Variants in DIAPH2 observed in about 807,000 individuals in gnomAD.
The protein encoded by DIAPH2 is protein diaphanous homolog 2.
Under a neutral mutation model 92.7 loss-of-function variants are expected in DIAPH2, and 35 were observed. The observed-to-expected ratio is 0.38, with a 90% confidence interval of 0.29 to 0.50. The LOEUF is 0.50. Among genes scored for constraint, DIAPH2 ranks in the 20% least tolerant of loss-of-function variants. DIAPH2 has a pLI of 0.94. For synonymous variants in DIAPH2, 301 were observed against 280.4 expected, an observed-to-expected ratio of 1.07 and a Z score of -0.73; for missense variants, 701 against 819.5, an observed-to-expected ratio of 0.86 and a Z score of 1.77.
At chrX:97,401,551 C>T (rs1254632218) in intron 25 of DIAPH2, among the ~76,000 whole-genome samples, 1 of 111,578 alleles carries the variant, frequency 9.0e-6, no homozygotes, top group Non-Finnish European at 1.9e-5. Context: ...TGGCAGGTGC[C>T]TCAGGAACCC....
intron 17 of DIAPH2, among the ~76,000 whole-genome samples, chrX:97,055,168 C>T (rs761203121): frequency 4.1e-4 from 44 of 108,446 alleles, no homozygotes; most frequent in Non-Finnish European, 7.3e-4. Flanking sequence ...CCTCCCGCCT[C>T]GGCCTCCCAA....
intron 25 of DIAPH2, among the ~76,000 whole-genome samples, chrX:97,426,774 C>T (rs903931642): frequency 8.0e-5 from 9 of 112,045 alleles, no homozygotes; most frequent in South Asian, 3.7e-4. Context: ...TCTGAACTGA[C>T]GTGTGCAGAA....
chrX:97,004,057 A>G (rs1234127264), intron 17 of DIAPH2, among the ~76,000 whole-genome samples: 2 of 111,225 alleles, frequency 1.8e-5, no homozygotes, highest in Non-Finnish European at 3.8e-5. Flanking sequence ...CTTTCCCCCA[A>G]TGTATGTTCT....
intron 12 of DIAPH2, among the ~76,000 whole-genome samples, chrX:96,941,379 A>ACAGAATT (rs1244185444): frequency 1.8e-5 from 2 of 112,189 alleles, no homozygotes; most frequent in African/African-American, 6.5e-5. Flanking sequence ...CTGATGGATT[A>ACAGAATT]CAGAATTAGG....
intron 26 of DIAPH2, among the ~76,000 whole-genome samples, chrX:97,453,420 G>A (rs948438361): frequency 2.3e-4 from 25 of 110,137 alleles, no homozygotes; most frequent in African/African-American, 7.6e-4. Flanking sequence ...ATGACATGAG[G>A]ATTTTTTACT....
chrX:96,907,486 C>G (rs2065441068), intron 5 of DIAPH2, among the ~76,000 whole-genome samples: 1 of 112,068 alleles, frequency 8.9e-6, no homozygotes, highest in Non-Finnish European at 1.9e-5. Context: ...TTAGTAATTT[C>G]TAAGGATGTG....
At chrX:97,112,893 T>C (rs1459791377) in intron 20 of DIAPH2, among the ~76,000 whole-genome samples, 1 of 99,803 alleles carries the variant, frequency 1.0e-5, no homozygotes, top group Non-Finnish European at 2.0e-5. Flanking sequence ...TTCTCCTGCC[T>C]CAGCCTCCTG....
intron 26 of DIAPH2, among the ~76,000 whole-genome samples, chrX:97,450,925 T>G (rs1360006234): frequency 9.2e-6 from 1 of 108,874 alleles, no homozygotes; most frequent in Admixed American, 9.9e-5. Context: ...GATTTGTAAT[T>G]TTTAAGAAGT....
chrX:97,563,881 C>T (rs1028721797), intron 26 of DIAPH2, among the ~76,000 whole-genome samples: 1 of 111,223 alleles, frequency 9.0e-6, no homozygotes, highest in East Asian at 2.8e-4. Flanking sequence ...ATGGTCCACA[C>T]TCTGCAGATC....
intron 17 of DIAPH2, among the ~76,000 whole-genome samples, chrX:97,011,750 G>T (rs1354578749): frequency 9.2e-6 from 1 of 108,525 alleles, no homozygotes; most frequent in Non-Finnish European, 1.9e-5. Flanking sequence ...AAATTAGCCG[G>T]GTGTGCTGGC....
At chrX:97,153,440 C>T (rs2147427136) in intron 22 of DIAPH2, among the ~76,000 whole-genome samples, 1 of 110,051 alleles carries the variant, frequency 9.1e-6, no homozygotes, top group African/African-American at 3.3e-5. Flanking sequence ...AAAAAATTAG[C>T]CGGGCGAGGT....
chrX:97,441,976 G>A (rs1009717164), intron 26 of DIAPH2: 9 of 112,442 alleles, frequency 8.0e-5, no homozygotes, highest in Admixed American at 9.4e-5. Flanking sequence ...ATTGAGCATG[G>A]ACCATTTATC....
At chrX:97,364,729 G>A (rs1364550786) in intron 24 of DIAPH2, among the ~76,000 whole-genome samples, 3 of 100,119 alleles carry the variant, frequency 3.0e-5, no homozygotes, top group Admixed American at 2.2e-4. Flanking sequence ...GGATTTCTTG[G>A]TTTGATTTTC....
intron 26 of DIAPH2, among the ~76,000 whole-genome samples, chrX:97,491,155 T>C (rs1211704786): frequency 8.9e-6 from 1 of 111,845 alleles, no homozygotes; most frequent in Non-Finnish European, 1.9e-5. Context: ...CATTATTATG[T>C]AATGACCTTT....
intron 19 of DIAPH2, among the ~76,000 whole-genome samples, chrX:97,095,553 GA>G (rs2066862723): frequency 9.2e-6 from 1 of 109,227 alleles, no homozygotes; most frequent in Non-Finnish European, 1.9e-5. Flanking sequence ...CGTTTATGTG[GA>G]AAATGATAGT....
chrX:97,497,490 G>A (rs1391306915), intron 26 of DIAPH2, among the ~76,000 whole-genome samples: 1 of 101,456 alleles, frequency 9.9e-6, no homozygotes, highest in African/African-American at 3.6e-5. Flanking sequence ...CCTATCTTTT[G>A]CTTTCTTATA....
chrX:97,010,513 G>T (rs762783996), intron 17 of DIAPH2, among the ~76,000 whole-genome samples: 118 of 111,956 alleles, frequency 1.1e-3, no homozygotes, highest in African/African-American at 3.8e-3. Context: ...TGGTGTTCTT[G>T]TGGGGAGGAT....
chrX:97,240,022 A>G (rs1297139149), intron 22 of DIAPH2, among the ~76,000 whole-genome samples: 1 of 111,431 alleles, frequency 9.0e-6, no homozygotes, highest in South Asian at 3.8e-4. Flanking sequence ...GTTCAAGGCA[A>G]TTAATGAGGC....
At position 97,027,814 on chromosome X, in the gene DIAPH2, A is replaced by G. The variant is rs1177363375; in HGVS notation, c.2051-45127A>G. Among the ~76,000 whole-genome samples the G allele has an allele frequency of 2.7e-5, 3 of 112,401 alleles. No individual in the cohort carries two copies. The East Asian group carries it at 8.3e-4, about 31-fold the overall frequency. On this transcript the variant is annotated intron_variant, in intron 17 of 26. Transcript: ENST00000324765. ...TAAAGAGCAGCATTCCAATGACGCC[A>G]AAAGAAACCAGAGCTTCCAACACGC...
Sources: gnomAD v4.1 joint callset for allele counts (sites outside exome capture counted in the v4.1 genomes callset) on GRCh38, gnomAD v4.1.1 for gene constraint, MANE v1.5 for transcripts, NCBI Gene and HGNC (gene_info 2026-07-23, HGNC 2026-07-21) for gene names.